Variants in CAMTA1 observed in about 807,000 individuals in gnomAD.
CAMTA1 encodes calmodulin binding transcription activator 1, also known as calmodulin-binding transcription activator 1.
Under a neutral mutation model 170.9 loss-of-function variants are expected in CAMTA1, and 27 were observed. That is an observed-to-expected ratio of 0.16 (90% CI 0.12 to 0.22). The LOEUF (loss-of-function observed/expected upper bound fraction) is 0.22. Ranked by LOEUF, CAMTA1 falls within the 10% of genes least tolerant of loss-of-function variation. CAMTA1 has a pLI of 1.00. For missense variants in CAMTA1, 1,619 were observed against 2,217.2 expected, an observed-to-expected ratio of 0.73 and a Z score of 5.42; for synonymous variants, 833 against 891.5, an observed-to-expected ratio of 0.93 and a Z score of 1.17.
chr1:7,101,829 ACATGTAGG>A (rs1225010192), intron 4 of CAMTA1, among the ~76,000 whole-genome samples: 1 of 152,246 alleles, frequency 6.6e-6, no homozygotes, highest in East Asian at 1.9e-4. Flanking sequence ...ACACATGTAC[ACATGTAGG>A]CACATACACA....
chr1:7,676,798 T>C (rs922237222), intron 10 of CAMTA1, among the ~76,000 whole-genome samples: 1 of 152,206 alleles, frequency 6.6e-6, no homozygotes, highest in African/African-American at 2.4e-5. Context: ...GCCCCCAAGA[T>C]GCCAACATGA....
At chr1:6,908,815 T>G (rs1440144294) in intron 3 of CAMTA1, among the ~76,000 whole-genome samples, 1 of 152,220 alleles carries the variant, frequency 6.6e-6, no homozygotes, top group Non-Finnish European at 1.5e-5. Flanking sequence ...GGACAGCCTG[T>G]GCCAGGGCCC....
chr1:7,485,416 G>C (rs1374044838), intron 6 of CAMTA1, among the ~76,000 whole-genome samples: 2 of 152,186 alleles, frequency 1.3e-5, no homozygotes, highest in Non-Finnish European at 2.9e-5. Flanking sequence ...GCTGCCTTTG[G>C]GGGCAGCTGG....
chr1:6,924,361 G>A (rs1682660503), intron 3 of CAMTA1, among the ~76,000 whole-genome samples: 1 of 140,660 alleles, frequency 7.1e-6, no homozygotes, highest in South Asian at 2.3e-4. Context: ...GAGGGGGTCA[G>A]GCCAGCTGGG....
intron 11 of CAMTA1, among the ~76,000 whole-genome samples, chr1:7,700,442 G>GT (rs781729941): frequency 3.3e-5 from 5 of 152,198 alleles, no homozygotes; most frequent in Non-Finnish European, 4.4e-5. Flanking sequence ...TTTACTGGAA[G>GT]TTGATATATA....
chr1:7,447,797 A>T (rs1003137532), intron 5 of CAMTA1, among the ~76,000 whole-genome samples: 1 of 152,172 alleles, frequency 6.6e-6, no homozygotes, highest in Non-Finnish European at 1.5e-5. Flanking sequence ...TCCTGTGCTG[A>T]GTGTGAGGAA....
chr1:7,461,133 G>C (rs2093077300), intron 5 of CAMTA1, among the ~76,000 whole-genome samples: 1 of 152,224 alleles, frequency 6.6e-6, no homozygotes, highest in Non-Finnish European at 1.5e-5. Flanking sequence ...GGAAGAGAGG[G>C]GAGGGGAGCT....
chr1:6,851,156 TATTAGAAAAG>T (rs1660224920), intron 3 of CAMTA1, among the ~76,000 whole-genome samples: 1 of 152,090 alleles, frequency 6.6e-6, no homozygotes, highest in Non-Finnish European at 1.5e-5. Flanking sequence ...ATAGTGAAGT[TATTAGAAAAG>T]GGTAAGGTAT....
At chr1:7,460,532 C>T (rs979700886) in intron 5 of CAMTA1, among the ~76,000 whole-genome samples, 5 of 152,224 alleles carry the variant, frequency 3.3e-5, no homozygotes, top group Middle Eastern at 6.8e-3. Flanking sequence ...CCCACACGTT[C>T]CTTGGATGTC....
Position 7,079,341 on chromosome 1 carries a change from T to C in CAMTA1, c.235-11963T>C, listed in dbSNP as rs541240476. 6.6e-5 allele frequency among the ~76,000 whole-genome samples: 10 copies of C among 152,240 alleles called. No individual in the cohort carries two copies. The East Asian group carries it at 1.9e-3, about 29-fold the overall frequency. Reference sequence around the variant, plus strand: ...TAGTTAAAGATATAATTGCTGACAGTTTTCCAAACTTGACAAAAGCTATAA... The same window carrying C: ...TAGTTAAAGATATAATTGCTGACAGCTTTCCAAACTTGACAAAAGCTATAA... On this transcript the variant is annotated intron_variant, in intron 3 of 22. Transcript: ENST00000303635.
chr1:7,118,627 G>A (rs922954376), intron 4 of CAMTA1, among the ~76,000 whole-genome samples: 3 of 151,974 alleles, frequency 2.0e-5, no homozygotes, highest in Non-Finnish European at 4.4e-5. Context: ...GGTTTTTGGA[G>A]TCAGAAATGT....
chr1:7,293,976 C>T lies in CAMTA1; in HGVS notation c.438+44350C>T, dbSNP rs988972196. ...CTGTTAAAGCTTGCAAAGATATCAT[C>T]GGCAGGCATTTTCCCAGGGGAAGCA... On this transcript the variant is annotated intron_variant, in intron 5 of 22. Transcript: ENST00000303635. The surrounding 1 kb of genome is among the most constrained non-coding windows in gnomAD (Gnocchi z 4.1). Among the ~76,000 whole-genome samples, 12 of 152,234 alleles carry T rather than the reference C, an allele frequency of 7.9e-5. No homozygotes were observed. Among genetic ancestry groups the T allele is most frequent in the Non-Finnish European group, 7.3e-5 (5 of 68,046 alleles).
At chr1:7,690,104 G>A (rs1417818742) in intron 11 of CAMTA1, among the ~76,000 whole-genome samples, 1 of 152,168 alleles carries the variant, frequency 6.6e-6, no homozygotes, top group African/African-American at 2.4e-5. Context: ...CAGAGGTTGC[G>A]GTGAGTCAAG....
rs541775234 is a variant in CAMTA1, at chr1:7,127,156, C to G, written c.302+35785C>G. On this transcript the variant is annotated intron_variant, in intron 4 of 22. Coordinates refer to ENST00000303635, the MANE Select transcript of CAMTA1 (RefSeq NM_015215.4). ...CGCAGACGTGGGGCTAGCCGAGCAGCTGGGCACTATGCAACCCCAGGGGAA... is the reference window on the plus strand; with the variant it reads ...CGCAGACGTGGGGCTAGCCGAGCAGGTGGGCACTATGCAACCCCAGGGGAA... Among the ~76,000 whole-genome samples the G allele has an allele frequency of 1.7e-4, 25 of 150,722 alleles. No individual in the cohort carries two copies. The South Asian group carries it at 4.9e-3, about 29-fold the overall frequency.
chr1:7,296,926 A>AG (rs902785369), intron 5 of CAMTA1, among the ~76,000 whole-genome samples: 3 of 152,184 alleles, frequency 2.0e-5, no homozygotes, highest in African/African-American at 7.2e-5. Flanking sequence ...ATGGAGACAC[A>AG]GGGGGCAAGA....
chr1:7,400,263 TTC>T (rs2089786585), intron 5 of CAMTA1, among the ~76,000 whole-genome samples: 1 of 152,206 alleles, frequency 6.6e-6, no homozygotes, highest in African/African-American at 2.4e-5. Context: ...GCTGCTGATG[TTC>T]TCAATTACAT....
At chr1:7,457,394 G>C (rs2092983207) in intron 5 of CAMTA1, among the ~76,000 whole-genome samples, 1 of 151,656 alleles carries the variant, frequency 6.6e-6, no homozygotes, top group Non-Finnish European at 1.5e-5. Context: ...GCAGATACTT[G>C]GGGGCCCCAA....
In CAMTA1 at chr1:7,030,802, G is replaced by C. The variant is rs1702673856; in HGVS notation, c.235-60502G>C. On this transcript the variant is annotated intron_variant, in intron 3 of 22. Transcript: ENST00000303635. The stretch of plus-strand genomic sequence containing the variant: ...CTACAAATGTCAACTAGGTCAAGTT[G>C]GTTGATGGTGTTGTTCAAGTCTTCT... Among the ~76,000 whole-genome samples the C allele has an allele frequency of 7.9e-5, 12 of 151,774 alleles. No individual in the cohort carries two copies. The South Asian group carries it at 2.5e-3, about 32-fold the overall frequency.
At chr1:7,238,918 G>A (rs1006284318) in intron 4 of CAMTA1, among the ~76,000 whole-genome samples, 3 of 152,156 alleles carry the variant, frequency 2.0e-5, no homozygotes, top group African/African-American at 4.8e-5. Flanking sequence ...AGCAGCTATC[G>A]TGGCCGAGCA....
Sources: gnomAD v4.1 joint callset for allele counts (sites outside exome capture counted in the v4.1 genomes callset) on GRCh38, gnomAD v4.1.1 for gene constraint, Gnocchi (gnomAD v3.1) non-coding constraint, MANE v1.5 for transcripts, NCBI Gene and HGNC (gene_info 2026-07-23, HGNC 2026-07-21) for gene names.